The following MMP16 variants were observed in gnomAD, a reference collection of about 807,000 sequenced individuals.
MMP16 encodes matrix metalloproteinase-16.
MMP16 carries 12 observed loss-of-function variants against 67.8 expected under a neutral mutation model. That is an observed-to-expected ratio of 0.18 (90% CI 0.11 to 0.29). The LOEUF (loss-of-function observed/expected upper bound fraction) is 0.29, where lower values mean the gene tolerates loss of function less well. Among genes scored for constraint, MMP16 ranks in the 10% least tolerant of loss-of-function variants. The probability of loss-of-function intolerance (pLI) is 1.00; values close to 1 mark genes in which losing one functional copy is unlikely to be tolerated. For synonymous variants in MMP16, 249 were observed against 255.9 expected (o/e 0.97, Z 0.26); for missense variants, 475 against 765.7 (o/e 0.62, Z 4.48).
At chr8:88,117,797 C>A (rs2118433171) in intron 5 of MMP16, among the ~76,000 whole-genome samples, 1 of 152,054 alleles carries the variant, frequency 6.6e-6, no homozygotes, top group Middle Eastern at 3.4e-3. Flanking sequence ...TTAAACTATG[C>A]TGCTTAAAAA....
At chr8:88,043,939 T>A (rs1808166475) in intron 9 of MMP16, among the ~76,000 whole-genome samples, 1 of 152,218 alleles carries the variant, frequency 6.6e-6, no homozygotes, top group Non-Finnish European at 1.5e-5. Flanking sequence ...AATAGGTGAA[T>A]GTACTTCTTA....
chr8:88,208,758 A>T (rs1280697537), intron 1 of MMP16, among the ~76,000 whole-genome samples: 1 of 147,898 alleles, frequency 6.8e-6, no homozygotes, highest in Admixed American at 6.9e-5. Context: ...GTTGTGCATG[A>T]CTTCACAGGA....
intron 1 of MMP16, among the ~76,000 whole-genome samples, chr8:88,304,628 T>C (rs1001938653): frequency 2.6e-5 from 4 of 152,074 alleles, no homozygotes; most frequent in Non-Finnish European, 5.9e-5. Context: ...GCAGAAGAGA[T>C]TGGGGGCCAA....
In MMP16 at chr8:88,037,655, A is replaced by G. The variant is rs1808072483; in HGVS notation, c.*3806T>C. 1 of 152,006 alleles carries G rather than the reference A, an allele frequency of 6.6e-6. No individual in the cohort carries two copies. The highest frequency in any genetic ancestry group is 2.1e-4 in the South Asian group (1 of 4,832). 9.4% of individuals were successfully genotyped at this position (152,006 alleles called of 1,614,324 possible). A position where few individuals can be genotyped will look rare whatever the true frequency, so the allele number is the denominator to read the frequency against. ...ACACTGTTCTGAAATGAGTCAATAA[A>G]TTCACAACCTTATCTACAATTCTGA... On this transcript the variant is annotated 3_prime_UTR_variant, in exon 10 of 10. Transcript: ENST00000286614.
rs1287871607 is a variant in MMP16, at chr8:88,036,403, CCAT to C, written c.*5055_*5057del. The C allele has an allele frequency of 6.6e-6, 1 of 151,800 alleles. No individual in the cohort carries two copies. Among genetic ancestry groups the C allele is most frequent in the African/African-American group, 2.4e-5 (1 of 41,384 alleles). The allele number at this position is 151,800 out of a possible 1,614,324, so 9.4% of individuals were successfully genotyped here. A position where few individuals can be genotyped will look rare whatever the true frequency, so the allele number is the denominator to read the frequency against. ...AAGACTCATTTTTCCTCCTCCATTT[CCAT>C]CATATTATATAAATATGAAAGCTAA... On this transcript the variant is annotated 3_prime_UTR_variant, in exon 10 of 10. Transcript: ENST00000286614.
At chr8:88,298,577 G>A (rs1342109643) in intron 1 of MMP16, among the ~76,000 whole-genome samples, 1 of 152,084 alleles carries the variant, frequency 6.6e-6, no homozygotes, top group African/African-American at 2.4e-5. Flanking sequence ...GTTCTACTCC[G>A]ACCTCCTGAA....
At chr8:88,075,774 A>G (rs1301793550) in intron 6 of MMP16, among the ~76,000 whole-genome samples, 1 of 152,128 alleles carries the variant, frequency 6.6e-6, no homozygotes, top group African/African-American at 2.4e-5. Flanking sequence ...ACAAGTATAT[A>G]TCACAAAAAT....
At chr8:88,243,498 C>A (rs911482560) in intron 1 of MMP16, among the ~76,000 whole-genome samples, 1 of 152,030 alleles carries the variant, frequency 6.6e-6, no homozygotes, top group East Asian at 1.9e-4. Flanking sequence ...TAATTCCTGT[C>A]GTATATATTC....
At chr8:88,100,024 C>T (rs1261477385) in intron 6 of MMP16, among the ~76,000 whole-genome samples, 1 of 151,880 alleles carries the variant, frequency 6.6e-6, no homozygotes, top group Admixed American at 6.6e-5. Flanking sequence ...AAAATTTTCT[C>T]CCATTCTGTA....
chr8:88,121,831 T>A (rs754294110), intron 4 of MMP16, among the ~76,000 whole-genome samples: 1 of 152,096 alleles, frequency 6.6e-6, no homozygotes, highest in South Asian at 2.1e-4. Context: ...TTCTTTGTCA[T>A]AATTATGTCT....
In MMP16 at chr8:88,131,268, T is replaced by TACACACACACACAC. The variant is rs111863181; in HGVS notation, c.710-12421_710-12408dup. Among the ~76,000 whole-genome samples, 224 of 146,958 alleles carry TACACACACACACAC rather than the reference T, an allele frequency of 1.5e-3. 1 individual carries two copies. The highest frequency in any genetic ancestry group is 9.8e-3 in the South Asian group (45 of 4,612). On this transcript the variant is annotated intron_variant, in intron 4 of 9. Transcript: ENST00000286614. ...CTGAGTATGACTATCTATAGTATTA[T>TACACACACACACAC]ACACACACACACACACACACACACA...
intron 6 of MMP16, among the ~76,000 whole-genome samples, chr8:88,077,780 A>C (rs1808675410): frequency 6.6e-6 from 1 of 152,214 alleles, no homozygotes; most frequent in African/African-American, 2.4e-5. Flanking sequence ...TTTCTTACTG[A>C]AAAATTATAA....
intron 1 of MMP16, among the ~76,000 whole-genome samples, chr8:88,234,715 G>A (rs1193405731): frequency 6.6e-6 from 1 of 152,164 alleles, no homozygotes; most frequent in Non-Finnish European, 1.5e-5. Flanking sequence ...ACTCCATAAA[G>A]CCAACCTGCT....
At chr8:88,294,959 C>T (rs1218345975) in intron 1 of MMP16, among the ~76,000 whole-genome samples, 1 of 152,186 alleles carries the variant, frequency 6.6e-6, no homozygotes, top group Non-Finnish European at 1.5e-5. Flanking sequence ...GTGATCCAAC[C>T]ATCTTGGCCT....
intron 1 of MMP16, among the ~76,000 whole-genome samples, chr8:88,205,416 T>C (rs1809410901): frequency 6.6e-6 from 1 of 152,170 alleles, no homozygotes; most frequent in Admixed American, 6.5e-5. Context: ...GTTCAGTTTT[T>C]ATGCAAACAA....
chr8:88,223,845 A>ATAC (rs1809725812), intron 1 of MMP16, among the ~76,000 whole-genome samples: 1 of 152,032 alleles, frequency 6.6e-6, no homozygotes, highest in Admixed American at 6.6e-5. Flanking sequence ...TATAATAATA[A>ATAC]TAAAAAAAGA....
At chr8:88,129,818 T>A (rs905145031) in intron 4 of MMP16, among the ~76,000 whole-genome samples, 2 of 151,554 alleles carry the variant, frequency 1.3e-5, no homozygotes, top group Non-Finnish European at 3.0e-5. Context: ...TGTATAAAAA[T>A]TCATAGACAA....
intron 4 of MMP16, among the ~76,000 whole-genome samples, chr8:88,126,377 A>G (rs1352247126): frequency 6.6e-6 from 1 of 151,906 alleles, no homozygotes; most frequent in Non-Finnish European, 1.5e-5. Context: ...TGAATGCATT[A>G]GCAAAGTATT....
At chr8:88,213,337 A>C (rs1809540824) in intron 1 of MMP16, among the ~76,000 whole-genome samples, 1 of 152,204 alleles carries the variant, frequency 6.6e-6, no homozygotes, top group African/African-American at 2.4e-5. Context: ...ACGTTTGAGA[A>C]TGAGAAAAAA....
Sources: allele counts gnomAD v4.1 joint callset (sites outside exome capture counted in the v4.1 genomes callset), GRCh38; gene constraint gnomAD v4.1.1; transcripts MANE v1.5; gene names NCBI Gene and HGNC (gene_info 2026-07-23, HGNC 2026-07-21).